ZFAND3: variants seen among roughly 807,000 people sequenced by gnomAD.
The protein encoded by ZFAND3 is zinc finger AN1-type containing 3.
Under a neutral mutation model 29.6 loss-of-function variants are expected in ZFAND3, and 10 were observed. That is an observed-to-expected ratio of 0.34 (90% CI 0.21 to 0.57). The LOEUF is 0.57. Ranked by LOEUF, ZFAND3 falls within the 20% of genes least tolerant of loss-of-function variation. The pLI is 0.86. For synonymous variants in ZFAND3, 128 were observed against 112.6 expected (o/e 1.14, Z -0.87); for missense variants, 230 against 304.5 (o/e 0.76, Z 1.82).
chr6:38,073,726 G>GT (rs1213856942), intron 3 of ZFAND3, among the ~76,000 whole-genome samples: 1 of 152,140 alleles, frequency 6.6e-6, no homozygotes, highest in Non-Finnish European at 1.5e-5. Flanking sequence ...AGTGGTAAGC[G>GT]TTTGTCAGCA....
chr6:37,887,558 G>T (rs1435209392), intron 1 of ZFAND3, among the ~76,000 whole-genome samples: 1 of 152,182 alleles, frequency 6.6e-6, no homozygotes, highest in Non-Finnish European at 1.5e-5. Context: ...CTGATGGGAA[G>T]AATCTTATCT....
intron 2 of ZFAND3, among the ~76,000 whole-genome samples, chr6:38,025,890 G>A (rs60997161): frequency 0.03 from 4,494 of 152,240 alleles, 174 homozygotes; most frequent in African/African-American, 0.085. Flanking sequence ...AAGTCGGAAG[G>A]GAATGAGTGG....
chr6:37,991,483 G>A (rs897615760), intron 2 of ZFAND3, among the ~76,000 whole-genome samples: 5 of 152,010 alleles, frequency 3.3e-5, no homozygotes, highest in African/African-American at 4.8e-5. Context: ...CTCCCGAGTA[G>A]CTGGGATTAC....
chr6:37,891,960 C>T (rs1029587565), intron 1 of ZFAND3, among the ~76,000 whole-genome samples: 2 of 152,132 alleles, frequency 1.3e-5, no homozygotes, highest in Non-Finnish European at 2.9e-5. Flanking sequence ...AACCCCTGAA[C>T]TCAGGCAATC....
chr6:38,138,749 G>A (rs1562013593), intron 5 of ZFAND3, among the ~76,000 whole-genome samples: 1 of 152,326 alleles, frequency 6.6e-6, no homozygotes, highest in East Asian at 1.9e-4. Flanking sequence ...GCAGCTGGGT[G>A]GATATATTGC....
chr6:38,049,005 G>GTT (rs1763965930), intron 2 of ZFAND3, among the ~76,000 whole-genome samples: 1 of 152,094 alleles, frequency 6.6e-6, no homozygotes, highest in Admixed American at 6.5e-5. Flanking sequence ...GTATTTGGAG[G>GTT]TTTTTATTTT....
chr6:38,090,750 G>GA (rs1195657786), intron 4 of ZFAND3, among the ~76,000 whole-genome samples: 1 of 152,132 alleles, frequency 6.6e-6, no homozygotes, highest in East Asian at 1.9e-4. Flanking sequence ...TGTTTATGTT[G>GA]AAGAATAGAA....
At chr6:37,862,484 G>A (rs1001193477) in intron 1 of ZFAND3, among the ~76,000 whole-genome samples, 28 of 150,466 alleles carry the variant, frequency 1.9e-4, no homozygotes, top group Non-Finnish European at 3.5e-4. Flanking sequence ...CCCAGGAGTT[G>A]AGACCTGGGT....
intron 2 of ZFAND3, 62 bp from the exon 3 acceptor site, chr6:38,061,531 T>C (rs1764239551): frequency 6.3e-7 from 1 of 1,582,728 alleles, no homozygotes; most frequent in Admixed American, 1.8e-5. Context: ...CAACTTCCAT[T>C]GTTTTCTAAT....
chr6:38,135,387 ATC>A (rs1209366153), intron 5 of ZFAND3, among the ~76,000 whole-genome samples: 1 of 152,214 alleles, frequency 6.6e-6, no homozygotes, highest in Admixed American at 6.5e-5. Context: ...ACCTTTCTAC[ATC>A]TCCGTGTTTT....
chr6:38,008,161 G>A (rs1763083132), intron 2 of ZFAND3, among the ~76,000 whole-genome samples: 1 of 152,098 alleles, frequency 6.6e-6, no homozygotes, highest in Non-Finnish European at 1.5e-5. Context: ...TAATTAACAA[G>A]TGTTCCAAAA....
intron 4 of ZFAND3, among the ~76,000 whole-genome samples, chr6:38,101,772 CAAAAAAAAAAAAA>C (rs57491627): frequency 2.1e-4 from 9 of 42,748 alleles, no homozygotes; most frequent in South Asian, 2.7e-3. Context: ...GACTCCCTCT[CAAAAAAAAAAAAA>C]AAAAAAAAAA....
intron 2 of ZFAND3, among the ~76,000 whole-genome samples, chr6:37,944,190 A>G (rs770459632): frequency 2.8e-4 from 42 of 152,196 alleles, no homozygotes; most frequent in Non-Finnish European, 5.1e-4. Flanking sequence ...TAAAATTTTT[A>G]TTTAAATATG....
intron 3 of ZFAND3, among the ~76,000 whole-genome samples, chr6:38,066,663 A>G (rs1490133262): frequency 6.6e-6 from 1 of 152,192 alleles, no homozygotes; most frequent in African/African-American, 2.4e-5. Flanking sequence ...TGTTGCTTAA[A>G]TCTACTTTCA....
intron 4 of ZFAND3, among the ~76,000 whole-genome samples, chr6:38,111,353 A>G (rs1765312094): frequency 6.6e-6 from 1 of 152,214 alleles, no homozygotes. Flanking sequence ...TCCCTAAATA[A>G]TACAGTATAA....
chr6:38,103,070 C>T (rs1765125556), intron 4 of ZFAND3, among the ~76,000 whole-genome samples: 2 of 152,088 alleles, frequency 1.3e-5, no homozygotes, highest in African/African-American at 4.8e-5. Flanking sequence ...AGTTTAACTT[C>T]TAAATGAATG....
intron 3 of ZFAND3, among the ~76,000 whole-genome samples, chr6:38,072,849 A>G (rs1013896930): frequency 3.9e-5 from 6 of 152,208 alleles, no homozygotes; most frequent in African/African-American, 1.2e-4. Context: ...CATCAAAAAG[A>G]TGATTCTTTA....
intron 1 of ZFAND3, among the ~76,000 whole-genome samples, chr6:37,832,556 G>C (rs1384753896): frequency 6.6e-6 from 1 of 152,192 alleles, no homozygotes; most frequent in Non-Finnish European, 1.5e-5. Flanking sequence ...CTAGAAGATG[G>C]TAATGGGTGG....
intron 1 of ZFAND3, among the ~76,000 whole-genome samples, chr6:37,831,919 A>G (rs1292742749): frequency 6.6e-6 from 1 of 152,204 alleles, no homozygotes; most frequent in Non-Finnish European, 1.5e-5. Flanking sequence ...GCATTTAAAG[A>G]TTTTAAGCAT....
Sources: allele counts gnomAD v4.1 joint callset (sites outside exome capture counted in the v4.1 genomes callset), GRCh38; gene constraint gnomAD v4.1.1; transcripts MANE v1.5; gene names NCBI Gene and HGNC (gene_info 2026-07-23, HGNC 2026-07-21).